SALL3: variants seen among roughly 807,000 people sequenced by gnomAD.
SALL3 encodes spalt like transcription factor 3.
A neutral mutation model predicts 66.2 loss-of-function variants in SALL3; 25 were observed. That is an observed-to-expected ratio of 0.38 (90% CI 0.28 to 0.53). The LOEUF is 0.53. Among genes scored for constraint, SALL3 ranks in the 20% least tolerant of loss-of-function variants. SALL3 has a pLI of 0.85. For synonymous variants in SALL3, 1,152 were observed against 899.1 expected, an observed-to-expected ratio of 1.28 and a Z score of -5.03; for missense variants, 2,194 against 1,916.5, an observed-to-expected ratio of 1.14 and a Z score of -2.70.
intron 1 of SALL3, among the ~76,000 whole-genome samples, chr18:78,982,174 T>C (rs1914094788): frequency 6.6e-6 from 1 of 152,252 alleles, no homozygotes; most frequent in African/African-American, 2.4e-5. Flanking sequence ...AACTTAATAG[T>C]GTAAACGTGT....
At chr18:78,989,162 C>T (rs112775785) in intron 1 of SALL3, among the ~76,000 whole-genome samples, 5 of 152,274 alleles carry the variant, frequency 3.3e-5, no homozygotes, top group Admixed American at 6.5e-5. Flanking sequence ...AAACATTCTA[C>T]GCACGGTTTC....
chr18:78,997,342 C>T lies in SALL3; in HGVS notation c.*20C>T, dbSNP rs1044011195. ...AACTAGCCAGTGACTCGCTCATCTG[C>T]CCTGCCCAGGCCCACGTTTTGAAGT... On this transcript the variant is annotated 3_prime_UTR_variant, in exon 3 of 3. Coordinates refer to ENST00000537592, the MANE Select transcript of SALL3 (RefSeq NM_171999.4). The T allele has an allele frequency of 6.2e-7, 1 of 1,601,684 alleles. No homozygotes were observed. The highest frequency in any genetic ancestry group is 8.5e-7 in the Non-Finnish European group (1 of 1,171,990).
At chr18:78,980,396 C>A in intron 1 of SALL3, 40 bp downstream of exon 1, 1 of 1,274,906 alleles carries the variant, frequency 7.8e-7, no homozygotes, top group Non-Finnish European at 1.0e-6. Context: ...GGGTCTGGGG[C>A]TGCCCGTCCG....
rs777304195 is a variant in SALL3 at position 78,994,019 on chromosome 18, G to A, written c.2028G>A (p.Thr676=). 6 of 1,612,562 alleles carry A rather than the reference G, an allele frequency of 3.7e-6. No individual in the cohort carries two copies. The highest frequency in any genetic ancestry group is 1.1e-5 in the South Asian group (1 of 91,010). Residue 676 remains threonine, a synonymous_variant, in exon 2 of 3, where the codon ACG becomes ACA. Coordinates refer to ENST00000537592, the MANE Select transcript of SALL3 (RefSeq NM_171999.4). ...TGGAGAACATCGACAAGAAGATGAC[G>A]GACCCGAACCAGTGCGTCATCTGCC... ...QLVENIDKKM[T]DPNQCVICHR... is the part of the protein sequence containing the mutation.
intron 1 of SALL3, among the ~76,000 whole-genome samples, chr18:78,983,929 A>C (rs527294979): frequency 1.3e-5 from 2 of 152,350 alleles, no homozygotes; most frequent in South Asian, 4.1e-4. Flanking sequence ...CGTTTCTGTG[A>C]TCAACAAAAA....
chr18:78,995,702 C>CGT (rs4030880), intron 2 of SALL3, among the ~76,000 whole-genome samples: 150,575 of 151,736 alleles, frequency 0.99, 74,720 homozygotes, highest in Middle Eastern at 1. Context: ...GTGTATGGGT[C>CGT]GTGTGTGTGT....
At chr18:78,980,995 C>T (rs1914043952) in intron 1 of SALL3, among the ~76,000 whole-genome samples, 2 of 152,212 alleles carry the variant, frequency 1.3e-5, no homozygotes, top group Admixed American at 1.3e-4. Flanking sequence ...GGCCCCTGCT[C>T]GCGGCGTGTT....
chr18:78,985,514 A>G (rs1235477901), intron 1 of SALL3, among the ~76,000 whole-genome samples: 1 of 152,200 alleles, frequency 6.6e-6, no homozygotes, highest in East Asian at 1.9e-4. Flanking sequence ...CACTGGCTTC[A>G]ACGACCCAGG....
intron 1 of SALL3, among the ~76,000 whole-genome samples, chr18:78,985,319 A>G (rs543304857): frequency 3.5e-4 from 54 of 152,344 alleles, no homozygotes; most frequent in African/African-American, 1.2e-3. Context: ...ACAAGTGTTT[A>G]TAGTTCTTAA....
chr18:78,992,744 G>T lies in SALL3; in HGVS notation c.753G>T (p.Pro251=), dbSNP rs1440413016. ...GCCCCGCGGCCGCCCCGAGCGCACC[G>T]GGCCCGGCCCCCAGCCAGCTGCCCG... ...SLSPAAAPSA[P]GPAPSQLPGL... The change falls in exon 2 of 3, where the codon CCG becomes CCT. Residue 251 remains proline (P), a synonymous_variant. Coordinates refer to ENST00000537592, the MANE Select transcript of SALL3 (RefSeq NM_171999.4). 8.3e-7 allele frequency: 1 copy of T among 1,202,252 alleles called. No individual in the cohort carries two copies. The highest frequency in any genetic ancestry group is 1.7e-5 in the African/African-American group (1 of 60,288). 74.5% of individuals were successfully genotyped at this position (1,202,252 alleles called of 1,614,324 possible).
chr18:78,983,634 A>T (rs1393756404), intron 1 of SALL3, among the ~76,000 whole-genome samples: 3 of 152,178 alleles, frequency 2.0e-5, no homozygotes, highest in Non-Finnish European at 4.4e-5. Flanking sequence ...GAATTAAGGG[A>T]AAGAAGCTCG....
In SALL3 at chr18:78,997,243, A is replaced by C; in HGVS notation, c.3824A>C (p.Asp1275Ala). 6.2e-7 allele frequency: 1 copy of C among 1,614,016 alleles called. No individual in the cohort carries two copies. Among genetic ancestry groups the C allele is most frequent in the Non-Finnish European group, 8.5e-7 (1 of 1,180,028 alleles). Residue 1275 changes from aspartate to alanine, a missense_variant, in exon 3 of 3, where the codon GAC (aspartate) becomes GCC (alanine). Asp to Ala is a moderately radical substitution (Grantham distance 126). Coordinates refer to ENST00000537592, the MANE Select transcript of SALL3 (RefSeq NM_171999.4). ...TGSSPPIVSL[D>A]KASSETAASR... is the part of the protein sequence containing the mutation. The stretch of plus-strand genomic sequence containing the variant: ...AGTAGCCCACCCATCGTCAGCTTGG[A>C]CAAAGCGAGCTCAGAAACAGCAGCC...
Position 78,993,649 on chromosome 18 carries a change from C to T in SALL3, c.1658C>T (p.Pro553Leu), listed in dbSNP as rs771183508. The T allele has an allele frequency of 1.4e-5, 23 of 1,588,832 alleles. 1 individual carries two copies. The highest frequency in any genetic ancestry group is 2.7e-5 in the African/African-American group (2 of 74,550). Residue 553 changes from proline to leucine, a missense_variant, in exon 2 of 3, where the codon CCG becomes CTG. Physicochemically the swap from Pro to Leu is moderately conservative, Grantham distance 98. Transcript: ENST00000537592. ...SPSATPASRS[P>L]QRPSPASSEC... ...AGCGCCACCCCAGCCAGCCGCTCCCCGCAGAGGCCCTCGCCCGCCTCCAGC... is the reference window on the plus strand; with the variant it reads ...AGCGCCACCCCAGCCAGCCGCTCCCTGCAGAGGCCCTCGCCCGCCTCCAGC...
Position 78,993,655 on chromosome 18 carries a change from G to A in SALL3, c.1664G>A (p.Arg555Lys), listed in dbSNP as rs1444414687. 6.3e-7 allele frequency: 1 copy of A among 1,588,760 alleles called. No individual in the cohort carries two copies. The highest frequency in any genetic ancestry group is 8.5e-7 in the Non-Finnish European group (1 of 1,174,780). The change falls in exon 2 of 3, where the codon AGG becomes AAG. Residue 555 changes from arginine to lysine, a missense_variant. Transcript: ENST00000537592. ...ACCCCAGCCAGCCGCTCCCCGCAGA[G>A]GCCCTCGCCCGCCTCCAGCGAGTGC... ...SATPASRSPQ[R>K]PSPASSECAS...
chr18:78,980,228 C>CCCGCTGATG lies in SALL3; in HGVS notation c.-40_-32dup. 1 of 998,838 alleles carries CCCGCTGATG rather than the reference C, an allele frequency of 1.0e-6. No homozygotes were observed. Among genetic ancestry groups the CCCGCTGATG allele is most frequent in the Non-Finnish European group, 1.2e-6 (1 of 830,118 alleles). The allele number at this position is 998,838 out of a possible 1,614,324, so 61.9% of individuals were successfully genotyped here. A position where few individuals can be genotyped will look rare whatever the true frequency, so the allele number is the denominator to read the frequency against. ...GCCCCGCGCCGTCCCCGCCGGCCGC[C>CCCGCTGATG]CCGCTGATGCCGCTGCCCCGCGCGG... On this transcript the variant is annotated 5_prime_UTR_variant, in exon 1 of 3. In the 5' UTR this introduces an upstream ATG that the reference lacks. Transcript: ENST00000537592.
chr18:78,989,275 A>G (rs1914347565), intron 1 of SALL3, among the ~76,000 whole-genome samples: 1 of 152,198 alleles, frequency 6.6e-6, no homozygotes, highest in South Asian at 2.1e-4. Context: ...AGTGAACCCT[A>G]AAAATATTTA....
chr18:78,990,541 C>CTA (rs1334870914), intron 1 of SALL3, among the ~76,000 whole-genome samples: 12 of 152,272 alleles, frequency 7.9e-5, no homozygotes, highest in Non-Finnish European at 1.5e-5. Flanking sequence ...TCAGAATTCT[C>CTA]TATTGAACTC....
At position 78,993,017 on chromosome 18, in the gene SALL3, G is replaced by A. The variant is rs1267389959; in HGVS notation, c.1026G>A (p.Thr342=). ...CGTCGCAGCCGCAGAGCGCATCCAC[G>A]CCGCCTGCCCTGGCCCCGGGGTCCC... is the stretch of plus-strand genomic sequence containing the variant. The part of the protein sequence containing the change: ...AASSQPQSAS[T]PPALAPGSLL... Residue 342 remains threonine (T), a synonymous_variant, in exon 2 of 3, where the codon ACG becomes ACA. Transcript: ENST00000537592. The A allele has an allele frequency of 3.9e-6, 6 of 1,531,266 alleles. No individual in the cohort carries two copies. The South Asian group carries it at 4.9e-5, about 13-fold the overall frequency. 94.9% of individuals were successfully genotyped at this position (1,531,266 alleles called of 1,614,324 possible). A position where few individuals can be genotyped will look rare whatever the true frequency, so the allele number is the denominator to read the frequency against.
chr18:78,980,925 G>T (rs1045160673), intron 1 of SALL3, among the ~76,000 whole-genome samples: 1 of 152,226 alleles, frequency 6.6e-6, no homozygotes, highest in Non-Finnish European at 1.5e-5. Context: ...GCTTGGCTCT[G>T]CCTAATGGCC....
Sources: allele counts gnomAD v4.1 joint callset (sites outside exome capture counted in the v4.1 genomes callset), GRCh38; gene constraint gnomAD v4.1.1; transcripts MANE v1.5; gene names NCBI Gene and HGNC (gene_info 2026-07-23, HGNC 2026-07-21).